AZIN1: variants seen among roughly 807,000 people sequenced by gnomAD.
AZIN1 encodes antizyme inhibitor 1.
AZIN1 carries 12 observed loss-of-function variants against 47.4 expected under a neutral mutation model. That is an observed-to-expected ratio of 0.25 (90% CI 0.16 to 0.41). The LOEUF (loss-of-function observed/expected upper bound fraction) is 0.41, where lower values mean the gene tolerates loss of function less well. AZIN1 is among the 10% of genes least tolerant of loss of function. AZIN1 has a pLI of 1.00. For synonymous variants in AZIN1, 155 were observed against 176.3 expected (o/e 0.88, Z 0.96); for missense variants, 410 against 532.4 (o/e 0.77, Z 2.26).
At chr8:102,851,756 C>T (rs1193379860) in intron 2 of AZIN1, among the ~76,000 whole-genome samples, 1 of 152,096 alleles carries the variant, frequency 6.6e-6, no homozygotes, top group Non-Finnish European at 1.5e-5. Context: ...TGTACCTCTC[C>T]CTTAGAATTT....
In AZIN1 at chr8:102,827,770, TA is replaced by T. The variant is rs1190109541; in HGVS notation, c.*796del. On this transcript the variant is annotated 3_prime_UTR_variant, in exon 12 of 12. Coordinates refer to ENST00000337198, the MANE Select transcript of AZIN1 (RefSeq NM_148174.4). ...TTAACATTTTTGGTGTTAAAATTGT[TA>T]AACATCATGCTTACTGCACATCAAC... 23 of 152,622 alleles carry T rather than the reference TA, an allele frequency of 1.5e-4. No individual in the cohort carries two copies. Among genetic ancestry groups the T allele is most frequent in the Admixed American group, 7.2e-4 (11 of 15,274 alleles). The allele number at this position is 152,622 out of a possible 1,614,324, so 9.5% of individuals were successfully genotyped here. A position where few individuals can be genotyped will look rare whatever the true frequency, so the allele number is the denominator to read the frequency against.
Position 102,839,671 on chromosome 8 carries a change from G to C in AZIN1, c.255C>G (p.Thr85=). 1.9e-6 allele frequency: 3 copies of C among 1,565,680 alleles called. No homozygotes were observed. The highest frequency in any genetic ancestry group is 2.6e-6 in the Non-Finnish European group (3 of 1,156,608). The change falls in exon 4 of 12, where the codon ACC becomes ACG. Residue 85 remains threonine (T), a synonymous_variant. Transcript: ENST00000337198. ...AVLEILAALG[T]GFACSSKNEM... Reference sequence around the variant, plus strand: ...TTACTTTACTGGAACAAGCAAATCCGGTTCCAAGAGCTGCCAAAATCTCAA... The same window carrying C: ...TTACTTTACTGGAACAAGCAAATCCCGTTCCAAGAGCTGCCAAAATCTCAA...
At chr8:102,848,957 G>A (rs993897979) in intron 2 of AZIN1, among the ~76,000 whole-genome samples, 4 of 152,060 alleles carry the variant, frequency 2.6e-5, no homozygotes, top group Non-Finnish European at 5.9e-5. Flanking sequence ...TGCATGTTTC[G>A]GGGGTGAGCA....
chr8:102,834,391 T>A, intron 7 of AZIN1, 128 bp from the exon 8 acceptor site: 1 of 728,234 alleles, frequency 1.4e-6, no homozygotes, highest in South Asian at 1.8e-5. Context: ...CTTGGTTTTT[T>A]ACTGATAGAA....
chr8:102,837,739 A>C lies in AZIN1; in HGVS notation c.449+1005T>G, dbSNP rs994453291. Among the ~76,000 whole-genome samples the C allele has an allele frequency of 1.5e-4, 23 of 152,380 alleles. 1 individual carries two copies. The South Asian group carries it at 2.5e-3, about 16-fold the overall frequency. ...TCAATGCTGTCAGGATATCTTAAGT[A>C]CACCATTAAAGTCAGTATGAAAATT... On this transcript the variant is annotated intron_variant, in intron 5 of 11. Transcript: ENST00000337198.
rs1811566505 is a variant in AZIN1 at position 102,833,061 on chromosome 8, G to A, written c.899C>T (p.Ser300Phe). The change falls in exon 9 of 12, where the codon TCT becomes TTT. Residue 300 changes from serine (S) to phenylalanine (F), a missense_variant. Physicochemically the swap from Ser to Phe is radical, Grantham distance 155. Transcript: ENST00000337198. Reference protein sequence around the residue: ...KKVVENDKFPSGVEKTGSDEP... With the variant: ...KKVVENDKFPFGVEKTGSDEP... ...CTATAAACTTTATAACTTACCTCCA[G>A]AGGGAAATTTATCATTTTCAACAAC... 3 of 1,608,440 alleles carry A rather than the reference G, an allele frequency of 1.9e-6. No homozygotes were observed. The highest frequency in any genetic ancestry group is 2.6e-6 in the Non-Finnish European group (3 of 1,175,628).
intron 2 of AZIN1, among the ~76,000 whole-genome samples, chr8:102,852,370 G>T (rs1347719001): frequency 1.3e-5 from 2 of 152,204 alleles, no homozygotes; most frequent in East Asian, 3.8e-4. Flanking sequence ...GAGGTCAGGA[G>T]TTCGAGACCA....
intron 2 of AZIN1, among the ~76,000 whole-genome samples, chr8:102,857,460 A>G (rs1285358052): frequency 6.6e-6 from 1 of 152,164 alleles, no homozygotes; most frequent in African/African-American, 2.4e-5. Context: ...CATTTTGCAC[A>G]GGGGCTCAAT....
chr8:102,838,968 G>A, intron 4 of AZIN1, 52 bp from the exon 5 acceptor site: 2 of 1,502,614 alleles, frequency 1.3e-6, no homozygotes, highest in Non-Finnish European at 1.8e-6. Flanking sequence ...TTCATATTCT[G>A]GTAATGCTTC....
chr8:102,863,198 C>T (rs1813846323), intron 1 of AZIN1, among the ~76,000 whole-genome samples: 2 of 152,204 alleles, frequency 1.3e-5, no homozygotes, highest in South Asian at 2.1e-4. Flanking sequence ...GTCAACTTTC[C>T]TCCACCAGAG....
In AZIN1 at chr8:102,829,418, T is replaced by C. The variant is rs1250092703; in HGVS notation, c.1089A>G (p.Gln363=). The stretch of plus-strand genomic sequence containing the variant: ...CAGGAAGAAGACAGCTTTCCACAAT[T>C]TGATCAAGCTCATCACAGGATGGAC... ...LWGPSCDELD[Q]IVESCLLPEL... The change falls in exon 11 of 12, where the codon CAA becomes CAG. Residue 363 remains glutamine, a synonymous_variant. Transcript: ENST00000337198. 1 of 1,614,050 alleles carries C rather than the reference T, an allele frequency of 6.2e-7. No homozygotes were observed.
At chr8:102,852,578 T>C (rs752757855) in intron 2 of AZIN1, among the ~76,000 whole-genome samples, 3 of 151,818 alleles carry the variant, frequency 2.0e-5, no homozygotes, top group Non-Finnish European at 4.4e-5. Context: ...CTCAAAAAAA[T>C]AATAGTAAAA....
chr8:102,839,950 AAT>A (rs1812073366), intron 3 of AZIN1, 127 bp from the exon 4 acceptor site: 2 of 539,080 alleles, frequency 3.7e-6, no homozygotes, highest in Non-Finnish European at 6.2e-6. Flanking sequence ...TACATACAGT[AAT>A]ACATTTAAAG....
chr8:102,831,404 T>C (rs1811449099), intron 9 of AZIN1, among the ~76,000 whole-genome samples: 1 of 151,560 alleles, frequency 6.6e-6, no homozygotes, highest in South Asian at 2.1e-4. Context: ...TAATTTAAAC[T>C]TGCCACTTCA....
At position 102,859,839 on chromosome 8, in the gene AZIN1, A is replaced by AAAAAG. The variant is rs979578672; in HGVS notation, c.-233-1694_-233-1690dup. On this transcript the variant is annotated intron_variant, in intron 1 of 11. Transcript: ENST00000337198. ...CAACAGAGGGAGAACCTGTCTCCAA[A>AAAAAG]AAAAGAAAAGAAAAGAAAAAATGAG... Among the ~76,000 whole-genome samples, 9 of 152,310 alleles carry AAAAAG rather than the reference A, an allele frequency of 5.9e-5. No individual in the cohort carries two copies. The East Asian group carries it at 1.5e-3, about 26-fold the overall frequency.
rs1377582767 is a variant in AZIN1, at chr8:102,828,640, A to G, written c.1274T>C (p.Met425Thr). Residue 425 changes from methionine to threonine, a missense_variant, in exon 12 of 12, where the codon ATG (methionine) becomes ACG (threonine). By Grantham distance (81) the Met-to-Thr change is moderately conservative (BLOSUM62 -1). This residue lies in a region of AZIN1 where 168 missense variants were observed against 198.3 expected (regional missense o/e 0.85). Transcript: ENST00000337198. ...AGGCACAAAGAAGAAGTTCTTCATC[A>G]TTGAGTCTGAAGTAATTCCAGCATC... ...MQDAGITSDS[M>T]MKNFFFVPSC... 1.2e-6 allele frequency: 2 copies of G among 1,611,494 alleles called. No homozygotes were observed. The highest frequency in any genetic ancestry group is 1.7e-5 in the Admixed American group (1 of 59,952).
rs972138056 is a variant in AZIN1 at position 102,828,870 on chromosome 8, C to A, written c.1236-192G>T. Among the ~76,000 whole-genome samples, 3 of 152,104 alleles carry A rather than the reference C, an allele frequency of 2.0e-5. No homozygotes were observed. The East Asian group carries it at 5.8e-4, about 29-fold the overall frequency. ...GACTACACATATGACTGTGGTATAC[C>A]GTAAAATTACAGTGAAGTTTAAAAA... On this transcript the variant is annotated intron_variant, in intron 11 of 11. Transcript: ENST00000337198.
At chr8:102,848,972 A>C (rs1388837836) in intron 2 of AZIN1, among the ~76,000 whole-genome samples, 1 of 152,172 alleles carries the variant, frequency 6.6e-6, no homozygotes, top group East Asian at 1.9e-4. Context: ...TGAGCAGTTT[A>C]TACCTTACTC....
chr8:102,832,715 A>C (rs897948062), intron 9 of AZIN1, among the ~76,000 whole-genome samples: 1 of 150,896 alleles, frequency 6.6e-6, no homozygotes, highest in Non-Finnish European at 1.5e-5. Flanking sequence ...ATCTTGGCTC[A>C]CTGCAACCTC....
Sources: gnomAD v4.1 joint callset for allele counts (sites outside exome capture counted in the v4.1 genomes callset) on GRCh38, gnomAD v4.1.1 for gene constraint, gnomAD v4.1.1 regional missense constraint, MANE v1.5 for transcripts, NCBI Gene and HGNC (gene_info 2026-07-23, HGNC 2026-07-21) for gene names.